The following ITPRID1 variants were observed in gnomAD, a reference collection of about 807,000 sequenced individuals.
ITPRID1 encodes protein ITPRID1.
ITPRID1 carries 96 observed loss-of-function variants against 95.4 expected under a neutral mutation model. That is an observed-to-expected ratio of 1.01 (90% CI 0.85 to 1.19). The LOEUF (loss-of-function observed/expected upper bound fraction) is 1.19. Ranked by LOEUF, ITPRID1 falls within the 50% of genes most tolerant of loss-of-function variation. The pLI, the probability that ITPRID1 is intolerant of heterozygous loss-of-function variation, is 0.00. For missense variants in ITPRID1, 1,339 were observed against 1,252.9 expected, an observed-to-expected ratio of 1.07 and a Z score of -1.04; for synonymous variants, 510 against 453.6, an observed-to-expected ratio of 1.12 and a Z score of -1.58.
intron 1 of ITPRID1, chr7:31,517,607 T>G (rs996593931): frequency 1.5e-4 from 23 of 153,088 alleles, no homozygotes; most frequent in African/African-American, 5.3e-4. Flanking sequence ...GGTGCGCCTG[T>G]GCTGGGAGGC....
At chr7:31,645,207 A>T (rs749632694) in intron 12 of ITPRID1, among the ~76,000 whole-genome samples, 17 of 152,210 alleles carry the variant, frequency 1.1e-4, no homozygotes, top group Non-Finnish European at 2.1e-4. Context: ...AAAATATCTA[A>T]ATCTATGTAA....
At chr7:31,599,847 C>T (rs1786313581) in intron 10 of ITPRID1, among the ~76,000 whole-genome samples, 1 of 151,800 alleles carries the variant, frequency 6.6e-6, no homozygotes, top group African/African-American at 2.4e-5. Flanking sequence ...AGGCGCCTGC[C>T]ACCACGCCCG....
chr7:31,529,937 G>A (rs1783541907), intron 1 of ITPRID1: 2 of 758,612 alleles, frequency 2.6e-6, no homozygotes, highest in Non-Finnish European at 4.3e-6. Flanking sequence ...GCGATGGCGT[G>A]TTCTGAAACT....
At chr7:31,620,922 G>A (rs1171320270) in intron 10 of ITPRID1, among the ~76,000 whole-genome samples, 5 of 152,040 alleles carry the variant, frequency 3.3e-5, no homozygotes, top group South Asian at 2.1e-4. Context: ...AGGAGCTGAT[G>A]GAGCTGAAAG....
chr7:31,644,064 T>C, intron 12 of ITPRID1, 111 bp downstream of exon 12: 1 of 957,510 alleles, frequency 1.0e-6, no homozygotes, highest in Non-Finnish European at 1.5e-6. Flanking sequence ...CAAACTTTTC[T>C]ATTTTAAATC....
intron 9 of ITPRID1, among the ~76,000 whole-genome samples, chr7:31,578,766 C>G (rs1287733245): frequency 6.6e-6 from 1 of 152,134 alleles, no homozygotes; most frequent in African/African-American, 2.4e-5. Flanking sequence ...GTTTTATCTT[C>G]TTCGAGGATC....
intron 10 of ITPRID1, among the ~76,000 whole-genome samples, chr7:31,585,533 T>C (rs1209660625): frequency 6.6e-6 from 1 of 152,212 alleles, no homozygotes; most frequent in Non-Finnish European, 1.5e-5. Context: ...CTATCATTCA[T>C]ATTCTCTAAG....
intron 3 of ITPRID1, 170 bp from the exon 4 acceptor site, chr7:31,554,305 A>G: frequency 8.1e-7 from 1 of 1,241,850 alleles, no homozygotes; most frequent in Non-Finnish European, 1.1e-6. Context: ...AAGGCTGATC[A>G]TGGAAAACAG....
At chr7:31,588,464 C>T (rs1785716938) in intron 10 of ITPRID1, among the ~76,000 whole-genome samples, 2 of 151,450 alleles carry the variant, frequency 1.3e-5, no homozygotes, top group Non-Finnish European at 2.9e-5. Flanking sequence ...AACTCTGTCT[C>T]TACTAAAAAT....
At chr7:31,605,190 G>A (rs1474852980) in intron 10 of ITPRID1, among the ~76,000 whole-genome samples, 3 of 152,022 alleles carry the variant, frequency 2.0e-5, no homozygotes, top group Non-Finnish European at 2.9e-5. Flanking sequence ...ATCTGGAGAG[G>A]TGATTATGGT....
chr7:31,651,131 A>T lies in ITPRID1; in HGVS notation c.2584-11A>T. On this transcript the variant is annotated splice_polypyrimidine_tract_variant and intron_variant, in intron 12 of 14. Coordinates refer to ENST00000615280, the MANE Select transcript of ITPRID1 (RefSeq NM_001257967.3). ...AGGACTTTCTTCTCAGTTCTTTCTC[A>T]TTGTTCTCAGTGCACAGTCCATGAG... 6.2e-7 allele frequency: 1 copy of T among 1,609,976 alleles called. No homozygotes were observed. Among genetic ancestry groups the T allele is most frequent in the Non-Finnish European group, 8.5e-7 (1 of 1,177,964 alleles).
chr7:31,590,856 C>A (rs1187205348), intron 10 of ITPRID1, among the ~76,000 whole-genome samples: 3 of 152,168 alleles, frequency 2.0e-5, no homozygotes, highest in African/African-American at 4.8e-5. Flanking sequence ...TTAAAATAAA[C>A]CTTTAAGGTA....
At chr7:31,574,838 C>A (rs1785124277) in intron 8 of ITPRID1, 96 bp downstream of exon 8, 1 of 1,067,730 alleles carries the variant, frequency 9.4e-7, no homozygotes, top group Non-Finnish European at 1.4e-6. Context: ...AAGTAGCATG[C>A]AAACCCTCTA....
chr7:31,646,218 A>T (rs1388964236), intron 12 of ITPRID1, among the ~76,000 whole-genome samples: 3 of 152,198 alleles, frequency 2.0e-5, no homozygotes, highest in African/African-American at 7.2e-5. Flanking sequence ...AGACCTGTTT[A>T]ATCCATCAGG....
intron 10 of ITPRID1, among the ~76,000 whole-genome samples, chr7:31,636,599 C>CTGGGAG (rs1457753805): frequency 3.9e-5 from 6 of 152,104 alleles, no homozygotes; most frequent in Non-Finnish European, 8.8e-5. Flanking sequence ...CCTATATAGT[C>CTGGGAG]TGGGAGTGGG....
rs1020469190 is a variant in ITPRID1 at position 31,651,653 on chromosome 7, T to G, written c.2712-286T>G. ...GGCATACGGGTTTTTCTTGGGGAAA[T>G]AGAAGTGTTTTAAAACTGAATAGTG... On this transcript the variant is annotated intron_variant, in intron 13 of 14. Coordinates refer to ENST00000615280, the MANE Select transcript of ITPRID1 (RefSeq NM_001257967.3). Among the ~76,000 whole-genome samples, 3 of 152,020 alleles carry G rather than the reference T, an allele frequency of 2.0e-5. No individual in the cohort carries two copies. In the East Asian group the frequency reaches 5.8e-4, roughly 29 times the overall value.
At chr7:31,576,732 C>T (rs1042338991) in intron 8 of ITPRID1, among the ~76,000 whole-genome samples, 2 of 152,078 alleles carry the variant, frequency 1.3e-5, no homozygotes, top group African/African-American at 2.4e-5. Flanking sequence ...GAGTCAGGGA[C>T]GTTGCTGTGA....
At position 31,529,800 on chromosome 7, in the gene ITPRID1, C is replaced by T. The variant is rs752191299; in HGVS notation, c.-98+15680C>T. The T allele has an allele frequency of 6.4e-5, 99 of 1,535,258 alleles. No homozygotes were observed. The Middle Eastern group carries it at 1.7e-3, about 26-fold the overall frequency. On this transcript the variant is annotated intron_variant, in intron 1 of 14. Coordinates refer to ENST00000615280, the MANE Select transcript of ITPRID1 (RefSeq NM_001257967.3). ...ACTACAGCAAGTTGCAAGACCATTT[C>T]TCTGCTGAAACTCCTTTATTCTGGT...
At chr7:31,589,210 A>C (rs771806945) in intron 10 of ITPRID1, among the ~76,000 whole-genome samples, 25 of 152,248 alleles carry the variant, frequency 1.6e-4, no homozygotes, top group Non-Finnish European at 3.5e-4. Context: ...TTAACATTAC[A>C]TCAGAAACAA....
Sources: gnomAD v4.1 joint callset for allele counts (sites outside exome capture counted in the v4.1 genomes callset) on GRCh38, gnomAD v4.1.1 for gene constraint, MANE v1.5 for transcripts, NCBI Gene and HGNC (gene_info 2026-07-23, HGNC 2026-07-21) for gene names.